Variants in TRIQK observed in about 807,000 individuals in gnomAD.
TRIQK encodes triple QxxK/R motif containing, also known as triple QxxK/R motif-containing protein.
In TRIQK, 10 loss-of-function variants were observed where a neutral mutation model predicts 10.8. The ratio of observed to expected loss-of-function variants is 0.92; its 90% CI spans 0.57 to 1.57. TRIQK has a LOEUF of 1.57. Ranked by LOEUF, TRIQK falls within the 40% of genes most tolerant of loss-of-function variation. TRIQK has a pLI of 0.00. For synonymous variants in TRIQK, 33 were observed against 33.7 expected, an observed-to-expected ratio of 0.98 and a Z score of 0.07; for missense variants, 107 against 97.7, an observed-to-expected ratio of 1.09 and a Z score of -0.40.
chr8:92,998,453 G>A (rs1813174610), intron 1 of TRIQK, among the ~76,000 whole-genome samples: 1 of 152,010 alleles, frequency 6.6e-6, no homozygotes, highest in Non-Finnish European at 1.5e-5. Context: ...TTTCTTAAGA[G>A]ATTAGTGTTA....
chr8:93,016,155 A>G (rs1813382995), intron 1 of TRIQK, among the ~76,000 whole-genome samples: 1 of 152,220 alleles, frequency 6.6e-6, no homozygotes, highest in Non-Finnish European at 1.5e-5. Flanking sequence ...TACTCAGAGT[A>G]TAAAATATAG....
At chr8:92,945,987 T>A (rs1306291714) in intron 2 of TRIQK, among the ~76,000 whole-genome samples, 1 of 151,888 alleles carries the variant, frequency 6.6e-6, no homozygotes, top group Non-Finnish European at 1.5e-5. Flanking sequence ...AAAAAATGAC[T>A]AAAATATCAA....
chr8:92,912,840 C>T (rs1343728434), intron 3 of TRIQK, among the ~76,000 whole-genome samples: 1 of 151,688 alleles, frequency 6.6e-6, no homozygotes, highest in Non-Finnish European at 1.5e-5. Flanking sequence ...TCAGAAACTT[C>T]CCAATAAAGA....
rs527664119 is a variant in TRIQK, at chr8:92,977,621, C to T, written c.-180-23057G>A. ...CATCCTTTTCTACTAACTATATTAT[C>T]TAAATTACTTCTTACTCTATTACTA... On this transcript the variant is annotated intron_variant, in intron 1 of 4. Coordinates refer to the TRIQK transcript ENST00000520686. Among the ~76,000 whole-genome samples, 4 of 152,152 alleles carry T rather than the reference C, an allele frequency of 2.6e-5. No homozygotes were observed. The South Asian group carries it at 8.3e-4, about 32-fold the overall frequency.
At chr8:92,973,896 A>G (rs769458925) in intron 1 of TRIQK, 2 of 152,462 alleles carry the variant, frequency 1.3e-5, no homozygotes, top group Non-Finnish European at 2.9e-5. Context: ...ACTTTGGTAT[A>G]TTTACGTTGT....
rs1813293033 is a variant in TRIQK, at chr8:93,008,169, A to G, written c.-181+9440T>C. Among the ~76,000 whole-genome samples the G allele has an allele frequency of 2.6e-5, 4 of 152,210 alleles. No homozygotes were observed. In the South Asian group the frequency reaches 8.3e-4, roughly 32 times the overall value. ...GACAGGAGGGAGAGCATCAGGATAAATAGCTAATGCATGCTAGGCTTAATA... is the reference window on the plus strand; with the variant it reads ...GACAGGAGGGAGAGCATCAGGATAAGTAGCTAATGCATGCTAGGCTTAATA... On this transcript the variant is annotated intron_variant, in intron 1 of 4. Transcript: ENST00000520686.
chr8:92,981,632 C>A (rs1417770812), intron 1 of TRIQK, among the ~76,000 whole-genome samples: 1 of 151,686 alleles, frequency 6.6e-6, no homozygotes, highest in African/African-American at 2.4e-5. Context: ...CTATTTCTGT[C>A]CCTTTAAGGC....
At chr8:92,942,722 T>G (rs1811330493) in intron 2 of TRIQK, among the ~76,000 whole-genome samples, 1 of 152,104 alleles carries the variant, frequency 6.6e-6, no homozygotes, top group Non-Finnish European at 1.5e-5. Flanking sequence ...TTAGACAGAG[T>G]ATAGCTCTGT....
chr8:92,979,393 C>T (rs1812963293), intron 1 of TRIQK, among the ~76,000 whole-genome samples: 1 of 152,040 alleles, frequency 6.6e-6, no homozygotes, highest in South Asian at 2.1e-4. Context: ...TAGTTGTTTT[C>T]ACTGTGAAGA....
intron 2 of TRIQK, among the ~76,000 whole-genome samples, chr8:92,946,316 A>T (rs1811530302): frequency 6.6e-6 from 1 of 152,112 alleles, no homozygotes. Flanking sequence ...TTAATATAAT[A>T]TTTTTTTCCA....
At chr8:92,902,789 G>T (rs903415653) in intron 3 of TRIQK, among the ~76,000 whole-genome samples, 3 of 151,904 alleles carry the variant, frequency 2.0e-5, no homozygotes, top group African/African-American at 7.2e-5. Context: ...TTTCATTAAG[G>T]TCTAACTTTT....
In TRIQK at chr8:92,884,847, G is replaced by T. The variant is rs531028746; in HGVS notation, c.*1775C>A. 3.7e-5 allele frequency: 17 copies of T among 455,776 alleles called. No homozygotes were observed. Among genetic ancestry groups the T allele is most frequent in the South Asian group, 1.4e-4 (9 of 64,514 alleles). 28.2% of individuals were successfully genotyped at this position (455,776 alleles called of 1,614,324 possible). On this transcript the variant is annotated 3_prime_UTR_variant, in exon 5 of 5. Coordinates refer to ENST00000521988, the MANE Select transcript of TRIQK (RefSeq NM_001171797.2). ...TTGTTCACGTAAATGTGATGGGAGT[G>T]GGGGGGTGGGGAGCAGTATTTCTTG...
chr8:92,921,757 C>T, intron 2 of TRIQK: 1 of 151,846 alleles, frequency 6.6e-6, no homozygotes, highest in East Asian at 1.9e-4. Context: ...CTAAAACAAA[C>T]AAGTATAGAT....
chr8:93,001,383 C>T (rs1296579293), intron 1 of TRIQK, among the ~76,000 whole-genome samples: 2 of 150,184 alleles, frequency 1.3e-5, no homozygotes, highest in East Asian at 3.9e-4. Flanking sequence ...ATACCGCCTA[C>T]AAAAGACTCA....
At chr8:92,936,262 T>C (rs1175150800) in intron 2 of TRIQK, among the ~76,000 whole-genome samples, 3 of 151,688 alleles carry the variant, frequency 2.0e-5, no homozygotes, top group East Asian at 3.9e-4. Context: ...ATAATCATAA[T>C]GATAAAATAT....
At chr8:92,939,686 C>A (rs1445900147) in intron 2 of TRIQK, among the ~76,000 whole-genome samples, 2 of 152,246 alleles carry the variant, frequency 1.3e-5, no homozygotes, top group African/African-American at 4.8e-5. Flanking sequence ...AACAAACCCA[C>A]CCTACAACCC....
rs80128356 is a variant in TRIQK at position 92,934,648 on chromosome 8, G to A, written c.-21-17638C>T. ...CAATTTCATAGAAGTTGTACTAAAC[G>A]CATTCATTATATCGAAGTCCCAGGT... On this transcript the variant is annotated intron_variant, in intron 2 of 4. Transcript: ENST00000521988. Among the ~76,000 whole-genome samples the A allele has an allele frequency of 7.9e-5, 12 of 151,860 alleles. No individual in the cohort carries two copies. In the East Asian group the frequency reaches 1.7e-3, roughly 22 times the overall value.
At chr8:92,925,480 A>G (rs1810402353) in intron 2 of TRIQK, among the ~76,000 whole-genome samples, 1 of 152,172 alleles carries the variant, frequency 6.6e-6, no homozygotes, top group Non-Finnish European at 1.5e-5. Flanking sequence ...TAACATATGT[A>G]TCTGACAAAA....
In TRIQK at chr8:92,979,255, T is replaced by C. The variant is rs990124624; in HGVS notation, c.-180-24691A>G. Among the ~76,000 whole-genome samples the C allele has an allele frequency of 1.1e-4, 16 of 152,254 alleles. 1 individual carries two copies. Among genetic ancestry groups the C allele is most frequent in the Admixed American group, 7.9e-4 (12 of 15,258 alleles). ...CCTGTGTATAACCTCTCAGAGTGTA[T>C]TGGAATTCTCACAGCAATGTCAGAT... On this transcript the variant is annotated intron_variant, in intron 1 of 4. Coordinates refer to the TRIQK transcript ENST00000520686.
Sources: gnomAD v4.1 joint callset for allele counts (sites outside exome capture counted in the v4.1 genomes callset) on GRCh38, gnomAD v4.1.1 for gene constraint, MANE v1.5 for transcripts, NCBI Gene and HGNC (gene_info 2026-07-23, HGNC 2026-07-21) for gene names.